BEND6: variants seen among roughly 807,000 people sequenced by gnomAD.
BEND6 encodes BEN domain containing 6.
A neutral mutation model predicts 31.8 loss-of-function variants in BEND6; 24 were observed. The observed-to-expected ratio is 0.75, with a 90% CI of 0.55 to 1.06. The LOEUF (loss-of-function observed/expected upper bound fraction) is 1.06. BEND6 is among the 50% of genes least tolerant of loss of function. The pLI is 0.00. For missense variants in BEND6, 294 were observed against 327.4 expected (o/e 0.90, Z 0.79); for synonymous variants, 109 against 114.6 (o/e 0.95, Z 0.31).
At chr6:57,014,561 A>T (rs1250135282) in intron 3 of BEND6, 1 of 1,387,882 alleles carries the variant, frequency 7.2e-7, no homozygotes, top group Non-Finnish European at 9.7e-7. Flanking sequence ...CAAAGAAAAT[A>T]TTCCATTGAT....
chr6:56,992,450 T>C lies in BEND6; in HGVS notation c.193T>C (p.Leu65=). ...TGAGGATGAAGAGCCTTTAGCAGAA[T>C]TGTCAAAGGAAGAATTGTGCGCCAA... ...SSEDEEPLAE[L]SKEELCAKIK... is the part of the protein sequence containing the mutation. The change falls in exon 3 of 7, where the codon TTG becomes CTG. Residue 65 remains leucine (L), a synonymous_variant. Transcript: ENST00000370746. 1 of 1,614,070 alleles carries C rather than the reference T, an allele frequency of 6.2e-7. No individual in the cohort carries two copies. Among genetic ancestry groups the C allele is most frequent in the Non-Finnish European group, 8.5e-7 (1 of 1,179,976 alleles).
At position 57,009,289 on chromosome 6, in the gene BEND6, C is replaced by G. The variant is rs562713847; in HGVS notation, c.299-5844C>G. ...AGCTAGAAGGAGGATTTTGAATGTT[C>G]CCAACATAAAAAAATGATAAATGTT... On this transcript the variant is annotated intron_variant, in intron 3 of 6. Transcript: ENST00000370746. The G allele has an allele frequency of 9.2e-5, 14 of 151,966 alleles. No homozygotes were observed. In the South Asian group the frequency reaches 2.7e-3, roughly 29 times the overall value. The allele number at this position is 151,966 out of a possible 1,614,324, so 9.4% of individuals were successfully genotyped here.
chr6:57,007,380 A>G (rs918891231), intron 3 of BEND6, among the ~76,000 whole-genome samples: 18 of 151,912 alleles, frequency 1.2e-4, no homozygotes, highest in African/African-American at 4.1e-4. Flanking sequence ...GCAAAAATCA[A>G]TTTGAAATGA....
chr6:56,984,828 G>A (rs184221761), intron 2 of BEND6, among the ~76,000 whole-genome samples: 1 of 152,142 alleles, frequency 6.6e-6, no homozygotes, highest in Admixed American at 6.6e-5. Flanking sequence ...CACTGGGCTG[G>A]ATCCCATTAT....
intron 6 of BEND6, among the ~76,000 whole-genome samples, chr6:57,019,045 C>T (rs1827657090): frequency 6.6e-6 from 1 of 152,220 alleles, no homozygotes; most frequent in South Asian, 2.1e-4. Context: ...GACAGTTGTG[C>T]AAACTATTGG....
intron 1 of BEND6, among the ~76,000 whole-genome samples, chr6:56,955,853 G>T (rs1469684601): frequency 6.6e-6 from 1 of 152,178 alleles, no homozygotes; most frequent in Non-Finnish European, 1.5e-5. Context: ...TCTCACACTT[G>T]CAGGCACACT....
chr6:56,964,977 G>A lies in BEND6; in HGVS notation c.-101+9517G>A, dbSNP rs146521786. Among the ~76,000 whole-genome samples the A allele has an allele frequency of 1.5e-3, 222 of 152,208 alleles. 2 individuals are homozygous for A. Among genetic ancestry groups the A allele is most frequent in the Non-Finnish European group, 1.8e-3 (122 of 68,016 alleles). ...CACTTGCATTCTCCATCCTTAACTG[G>A]TTTCTTAGTTCTGACTTGCCCTATG... On this transcript the variant is annotated intron_variant, in intron 1 of 6. Coordinates refer to ENST00000370746, the MANE Select transcript of BEND6 (RefSeq NM_152731.3).
chr6:57,019,334 C>T (rs1361840083), intron 6 of BEND6, among the ~76,000 whole-genome samples: 2 of 152,080 alleles, frequency 1.3e-5, no homozygotes, highest in Non-Finnish European at 2.9e-5. Context: ...ATGGAAAATA[C>T]GTGAAACCAT....
chr6:56,991,455 G>T (rs547844674), intron 2 of BEND6, among the ~76,000 whole-genome samples: 1 of 151,960 alleles, frequency 6.6e-6, no homozygotes, highest in East Asian at 1.9e-4. Flanking sequence ...GCTTACTGCA[G>T]CCTCTACCTC....
At chr6:57,001,514 G>A (rs1033773231) in intron 3 of BEND6, among the ~76,000 whole-genome samples, 16 of 152,108 alleles carry the variant, frequency 1.1e-4, no homozygotes, top group African/African-American at 3.9e-4. Flanking sequence ...CACATTCACA[G>A]GGAACCCCAT....
chr6:56,975,343 C>G (rs1825835732), intron 1 of BEND6, among the ~76,000 whole-genome samples: 2 of 151,948 alleles, frequency 1.3e-5, no homozygotes, highest in South Asian at 4.2e-4. Flanking sequence ...AAATGAAAAA[C>G]TAAGAAGAAA....
chr6:56,976,174 A>C (rs1825866462), intron 1 of BEND6: 1 of 186,008 alleles, frequency 5.4e-6, no homozygotes, highest in South Asian at 1.2e-4. Flanking sequence ...AAACAAGAAA[A>C]GAAGATAAAA....
At chr6:56,985,587 C>T (rs934436909) in intron 2 of BEND6, among the ~76,000 whole-genome samples, 1 of 152,176 alleles carries the variant, frequency 6.6e-6, no homozygotes, top group African/African-American at 2.4e-5. Flanking sequence ...TACTCCTGCT[C>T]ATATCCTATT....
intron 1 of BEND6, among the ~76,000 whole-genome samples, chr6:56,971,897 C>G (rs747548432): frequency 1.0e-3 from 153 of 152,136 alleles, no homozygotes; most frequent in South Asian, 3.1e-3. Context: ...TTCTCACATT[C>G]TATGGGTTGC....
At chr6:57,018,024 A>G (rs1827623922) in intron 5 of BEND6, among the ~76,000 whole-genome samples, 1 of 152,226 alleles carries the variant, frequency 6.6e-6, no homozygotes, top group Non-Finnish European at 1.5e-5. Context: ...GTGGTGGCTC[A>G]TGCCTGTAAT....
intron 3 of BEND6, among the ~76,000 whole-genome samples, chr6:57,006,330 T>G (rs913333484): frequency 4.6e-5 from 7 of 152,226 alleles, no homozygotes; most frequent in Non-Finnish European, 1.0e-4. Flanking sequence ...ACCCTGCTCT[T>G]AGAAGGGCCC....
intron 1 of BEND6, among the ~76,000 whole-genome samples, chr6:56,957,975 A>G (rs1230087438): frequency 3.3e-5 from 5 of 152,244 alleles, no homozygotes; most frequent in African/African-American, 1.2e-4. Context: ...CTCAAAGCCA[A>G]AATGGGGCAT....
At chr6:56,963,930 TAA>T (rs1215696061) in intron 1 of BEND6, among the ~76,000 whole-genome samples, 5 of 147,736 alleles carry the variant, frequency 3.4e-5, no homozygotes, top group African/African-American at 1.2e-4. Flanking sequence ...CGTTATAAAA[TAA>T]AATATTTTTG....
chr6:56,991,249 T>C (rs868540836), intron 2 of BEND6, among the ~76,000 whole-genome samples: 11 of 152,252 alleles, frequency 7.2e-5, no homozygotes, highest in Non-Finnish European at 1.5e-5. Flanking sequence ...CTTGCAAATC[T>C]TTTGTTGTGT....
Sources: gnomAD v4.1 joint callset for allele counts (sites outside exome capture counted in the v4.1 genomes callset) on GRCh38, gnomAD v4.1.1 for gene constraint, MANE v1.5 for transcripts, NCBI Gene and HGNC (gene_info 2026-07-23, HGNC 2026-07-21) for gene names.